DENND10: variants seen among roughly 807,000 people sequenced by gnomAD.
DENND10 encodes the protein DENN domain containing 10, also known as DENN domain-containing protein 10.
DENND10 carries 24 observed loss-of-function variants against 43.6 expected under a neutral mutation model. The observed-to-expected ratio is 0.55, with a 90% CI of 0.40 to 0.77. The LOEUF (loss-of-function observed/expected upper bound fraction) is 0.77. Ranked by LOEUF, DENND10 falls within the 30% of genes least tolerant of loss-of-function variation. The pLI, the probability that DENND10 is intolerant of heterozygous loss-of-function variation, is 0.00. For synonymous variants in DENND10, 125 were observed against 157.6 expected, an observed-to-expected ratio of 0.79 and a Z score of 1.55; for missense variants, 303 against 429.9, an observed-to-expected ratio of 0.70 and a Z score of 2.61.
At chr10:119,109,351 CCT>C (rs1844865345) in intron 2 of DENND10, among the ~76,000 whole-genome samples, 1 of 151,942 alleles carries the variant, frequency 6.6e-6, no homozygotes, top group South Asian at 2.1e-4. Flanking sequence ...CGTGGACTTT[CCT>C]AATCCCAAGC....
intron 2 of DENND10, among the ~76,000 whole-genome samples, chr10:119,110,111 C>T (rs1844906286): frequency 6.6e-6 from 1 of 151,864 alleles, no homozygotes; most frequent in Non-Finnish European, 1.5e-5. Flanking sequence ...CCGCACCTGG[C>T]CAAAAAGATA....
At chr10:119,129,472 A>G (rs1460862378) in intron 6 of DENND10, 43 bp from the exon 7 acceptor site, 1 of 1,322,602 alleles carries the variant, frequency 7.6e-7, no homozygotes, top group Non-Finnish European at 1.1e-6. Context: ...GGTTCACCAT[A>G]TTTCTTCCTA....
At chr10:119,119,670 C>T (rs1845466202) in intron 4 of DENND10, among the ~76,000 whole-genome samples, 1 of 152,114 alleles carries the variant, frequency 6.6e-6, no homozygotes, top group African/African-American at 2.4e-5. Context: ...CCACCTTGGC[C>T]TCCCAAAGTG....
At chr10:119,116,815 T>C (rs1331382191) in intron 3 of DENND10, among the ~76,000 whole-genome samples, 1 of 149,952 alleles carries the variant, frequency 6.7e-6, no homozygotes, top group Non-Finnish European at 1.5e-5. Context: ...ATTACAGGCA[T>C]GTACTGCCAC....
chr10:119,110,672 G>T (rs1475418345), intron 2 of DENND10, among the ~76,000 whole-genome samples: 1 of 151,956 alleles, frequency 6.6e-6, no homozygotes, highest in Non-Finnish European at 1.5e-5. Context: ...GGCCAGGCTG[G>T]TCTTGAACTC....
intron 3 of DENND10, among the ~76,000 whole-genome samples, chr10:119,117,005 A>C (rs1311326294): frequency 1.3e-5 from 2 of 151,994 alleles, no homozygotes; most frequent in Non-Finnish European, 2.9e-5. Flanking sequence ...TATATTTTTA[A>C]TTTAGAGAGA....
chr10:119,122,062 T>C (rs1845605548), intron 5 of DENND10, among the ~76,000 whole-genome samples: 1 of 151,928 alleles, frequency 6.6e-6, no homozygotes, highest in African/African-American at 2.4e-5. Flanking sequence ...ATCCCAGCAC[T>C]TTGGGAGGCT....
chr10:119,117,638 G>T lies in DENND10; in HGVS notation c.452G>T (p.Arg151Leu). ...GSFLSKDFDARKAYLAGSIKD... is the reference protein window; with the variant it reads ...GSFLSKDFDALKAYLAGSIKD... ...TTCCTTAGTAAGGATTTTGATGCCC[G>T]AAAGGCCTACCTGGCTGGCTCCATC... Residue 151 changes from arginine (R) to leucine (L), a missense_variant, in exon 4 of 9, where the codon CGA becomes CTA. Arg to Leu is a moderately radical substitution (Grantham distance 102). Coordinates refer to ENST00000361432, the MANE Select transcript of DENND10 (RefSeq NM_207009.4). 6.2e-7 allele frequency: 1 copy of T among 1,613,948 alleles called. No individual in the cohort carries two copies. The highest frequency in any genetic ancestry group is 8.5e-7 in the Non-Finnish European group (1 of 1,179,928).
chr10:119,116,772 G>A (rs935982722), intron 3 of DENND10, among the ~76,000 whole-genome samples: 4 of 149,370 alleles, frequency 2.7e-5, no homozygotes, highest in Admixed American at 6.8e-5. Context: ...TGGTTCAAGC[G>A]ACAATCCTGC....
chr10:119,128,335 C>T (rs896020217), intron 6 of DENND10, among the ~76,000 whole-genome samples: 1 of 151,216 alleles, frequency 6.6e-6, no homozygotes, highest in Non-Finnish European at 1.5e-5. Flanking sequence ...AAAGGCCAGG[C>T]ACAGTGGCTC....
intron 3 of DENND10, among the ~76,000 whole-genome samples, chr10:119,112,841 A>T (rs1254085364): frequency 6.8e-6 from 1 of 147,704 alleles, no homozygotes; most frequent in East Asian, 2.0e-4. Context: ...GCTTTTGCAG[A>T]GTTTTATTTA....
rs1564777742 is a variant in DENND10, at chr10:119,108,026, A to G, written c.114A>G (p.Thr38=). 2 of 1,613,866 alleles carry G rather than the reference A, an allele frequency of 1.2e-6. No individual in the cohort carries two copies. The highest frequency in any genetic ancestry group is 1.1e-5 in the South Asian group (1 of 91,078). ...GGTGTTATCCTTCCACGACAGCCAC[A>G]TTAAGGAACCTGCTGCTGAGAAAAT... ...WVWCYPSTTA[T]LRNLLLRKCC... The change falls in exon 2 of 9, where the codon ACA becomes ACG. Residue 38 remains threonine, a synonymous_variant. Coordinates refer to ENST00000361432, the MANE Select transcript of DENND10 (RefSeq NM_207009.4).
chr10:119,108,505 A>C (rs1336945910), intron 2 of DENND10, among the ~76,000 whole-genome samples: 1 of 150,742 alleles, frequency 6.6e-6, no homozygotes, highest in Admixed American at 6.6e-5. Flanking sequence ...AAAAGAAAAG[A>C]AAATATTAAA....
chr10:119,106,772 C>T (rs999719718), intron 1 of DENND10, among the ~76,000 whole-genome samples: 4 of 152,160 alleles, frequency 2.6e-5, no homozygotes, highest in Admixed American at 6.5e-5. Flanking sequence ...CGGCTGGGCA[C>T]GGTGGCTCAC....
At chr10:119,107,929 C>T (rs1383692215) in intron 1 of DENND10, 39 bp from the exon 2 acceptor site, 1 of 1,576,642 alleles carries the variant, frequency 6.3e-7, no homozygotes, top group Non-Finnish European at 8.7e-7. Context: ...TTCCTTGCTG[C>T]TGTTTGACAT....
At chr10:119,112,614 C>T (rs1163502419) in intron 3 of DENND10, among the ~76,000 whole-genome samples, 1 of 151,214 alleles carries the variant, frequency 6.6e-6, no homozygotes, top group Admixed American at 6.6e-5. Context: ...CCACCTCAGC[C>T]TCCCATGTAG....
chr10:119,110,231 G>T (rs1260566806), intron 2 of DENND10, among the ~76,000 whole-genome samples: 2 of 151,836 alleles, frequency 1.3e-5, no homozygotes, highest in Admixed American at 1.3e-4. Flanking sequence ...GAGTGCAGTG[G>T]TGTGATCTCG....
At chr10:119,112,879 T>C (rs1845045044) in intron 3 of DENND10, among the ~76,000 whole-genome samples, 1 of 151,860 alleles carries the variant, frequency 6.6e-6, no homozygotes, top group Non-Finnish European at 1.5e-5. Context: ...AGACAGAGTC[T>C]CCCTTTGTTG....
intron 2 of DENND10, among the ~76,000 whole-genome samples, chr10:119,110,099 C>T (rs560764334): frequency 6.6e-6 from 1 of 151,988 alleles, no homozygotes; most frequent in African/African-American, 2.4e-5. Flanking sequence ...AGGCGCGAGC[C>T]ACCGCACCTG....
Sources: gnomAD v4.1 joint callset for allele counts (sites outside exome capture counted in the v4.1 genomes callset) on GRCh38, gnomAD v4.1.1 for gene constraint, MANE v1.5 for transcripts, NCBI Gene and HGNC (gene_info 2026-07-23, HGNC 2026-07-21) for gene names.